WWC2: variants seen among roughly 807,000 people sequenced by gnomAD.
The protein encoded by WWC2 is protein WWC2.
WWC2 carries 101 observed loss-of-function variants against 138.5 expected under a neutral mutation model. That is an observed-to-expected ratio of 0.73 (90% CI 0.62 to 0.86). The LOEUF is 0.86. WWC2 is among the 40% of genes least tolerant of loss of function. WWC2 has a pLI of 0.00. For missense variants in WWC2, 1,420 were observed against 1,419.4 expected (o/e 1.00, Z -0.01); for synonymous variants, 558 against 538.4 (o/e 1.04, Z -0.50).
intron 4 of WWC2, among the ~76,000 whole-genome samples, chr4:183,229,889 A>T (rs903384260): frequency 6.6e-5 from 10 of 152,114 alleles, no homozygotes; most frequent in African/African-American, 2.2e-4. Flanking sequence ...GCAGCGGCTC[A>T]ATCCGGCTCA....
In WWC2 at chr4:183,239,094, C is replaced by T. The variant is rs370568829; in HGVS notation, c.523-1089C>T. ...CTTTGGGAGGCCGAAGCGGGTGGAT[C>T]GCTTGAGCCCTGGAGTTCGAGACCA... On this transcript the variant is annotated intron_variant, in intron 4 of 22. Coordinates refer to ENST00000403733, the MANE Select transcript of WWC2 (RefSeq NM_024949.6). 3.9e-4 allele frequency among the ~76,000 whole-genome samples: 60 copies of T among 152,250 alleles called. 1 individual carries two copies. The East Asian group carries it at 5.6e-3, about 14-fold the overall frequency.
chr4:183,099,458 A>G lies in WWC2; in HGVS notation c.-34A>G, dbSNP rs1292661452. On this transcript the variant is annotated 5_prime_UTR_variant, in exon 1 of 23. The change abolishes an upstream ATG in the 5' untranslated region. Coordinates refer to ENST00000403733, the MANE Select transcript of WWC2 (RefSeq NM_024949.6). The stretch of plus-strand genomic sequence containing the variant: ...CCGCCGCGTCCCGCGCCCGGTACCT[A>G]TGGAGGCGCCGCTCGCCGGCGAGGC... 7.2e-6 allele frequency: 9 copies of G among 1,258,140 alleles called. No individual in the cohort carries two copies. The Admixed American group carries it at 2.3e-4, about 32-fold the overall frequency. 77.9% of individuals were successfully genotyped at this position (1,258,140 alleles called of 1,614,324 possible). A position where few individuals can be genotyped will look rare whatever the true frequency, so the allele number is the denominator to read the frequency against.
chr4:183,309,745 C>T (rs555019644), intron 21 of WWC2, among the ~76,000 whole-genome samples: 3 of 152,330 alleles, frequency 2.0e-5, no homozygotes, highest in African/African-American at 7.2e-5. Flanking sequence ...AATTTACGTA[C>T]ACATGAAAAC....
intron 1 of WWC2, among the ~76,000 whole-genome samples, chr4:183,163,340 G>A (rs1445289112): frequency 1.3e-5 from 2 of 152,230 alleles, no homozygotes; most frequent in African/African-American, 4.8e-5. Flanking sequence ...TCAGTGGAGT[G>A]CAGCTGGAAG....
chr4:183,186,104 CTCCCAG>C (rs1734792792), intron 1 of WWC2, among the ~76,000 whole-genome samples: 1 of 152,000 alleles, frequency 6.6e-6, no homozygotes, highest in Admixed American at 6.6e-5. Flanking sequence ...CCCCCCACCA[CTCCCAG>C]CTAATTTTTT....
At chr4:183,136,279 A>T (rs1291498893) in intron 1 of WWC2, among the ~76,000 whole-genome samples, 1 of 152,002 alleles carries the variant, frequency 6.6e-6, no homozygotes, top group Admixed American at 6.6e-5. Context: ...TACCTCTTTC[A>T]TATTTTTCAT....
At chr4:183,242,761 A>G (rs1042141056) in intron 5 of WWC2, among the ~76,000 whole-genome samples, 2 of 152,244 alleles carry the variant, frequency 1.3e-5, no homozygotes, top group African/African-American at 4.8e-5. Flanking sequence ...CACTCAAGTC[A>G]AGAACTTCCA....
intron 4 of WWC2, among the ~76,000 whole-genome samples, chr4:183,232,687 GC>G (rs1164202811): frequency 2.0e-5 from 3 of 151,954 alleles, no homozygotes; most frequent in African/African-American, 7.3e-5. Context: ...TCTCTCAGTC[GC>G]CCAGGCTGGA....
intron 1 of WWC2, among the ~76,000 whole-genome samples, chr4:183,143,627 G>A (rs1733366460): frequency 6.6e-6 from 1 of 151,600 alleles, no homozygotes; most frequent in Admixed American, 6.6e-5. Context: ...GGGCAATATG[G>A]CAAACCCCAT....
At chr4:183,148,050 A>T (rs1174237143) in intron 1 of WWC2, among the ~76,000 whole-genome samples, 2 of 152,166 alleles carry the variant, frequency 1.3e-5, no homozygotes, top group Non-Finnish European at 1.5e-5. Context: ...CTGTGAAATG[A>T]TCTCATTAAA....
chr4:183,231,784 A>G (rs551775224), intron 4 of WWC2, among the ~76,000 whole-genome samples: 34 of 152,228 alleles, frequency 2.2e-4, no homozygotes, highest in Admixed American at 1.9e-3. Flanking sequence ...CAGCCTCCCG[A>G]GTAGCTGGGA....
At chr4:183,151,759 G>A (rs1733641035) in intron 1 of WWC2, among the ~76,000 whole-genome samples, 1 of 152,078 alleles carries the variant, frequency 6.6e-6, no homozygotes. Context: ...TCTACATATG[G>A]CTAGCCAGTT....
chr4:183,131,274 T>G (rs914660544), intron 1 of WWC2, among the ~76,000 whole-genome samples: 4 of 151,724 alleles, frequency 2.6e-5, no homozygotes, highest in Admixed American at 1.3e-4. Flanking sequence ...ATTTATAATT[T>G]TATAAATTTT....
intron 21 of WWC2, among the ~76,000 whole-genome samples, chr4:183,307,866 T>TAA (rs986124025): frequency 6.6e-6 from 1 of 152,052 alleles, no homozygotes; most frequent in African/African-American, 2.4e-5. Flanking sequence ...GCTAATGCAA[T>TAA]AAGAAAAGAA....
rs1339067034 is a variant in WWC2, at chr4:183,318,333, A to G, written c.*2604A>G. On this transcript the variant is annotated 3_prime_UTR_variant, in exon 23 of 23. Transcript: ENST00000403733. ...CTTTATCTATATTGTCTTAAATATC[A>G]AAAGCTCAGGACTGAACTTAATATT... is the stretch of plus-strand genomic sequence containing the variant. 3.3e-5 allele frequency: 5 copies of G among 152,640 alleles called. No homozygotes were observed. Among genetic ancestry groups the G allele is most frequent in the African/African-American group, 1.2e-4 (5 of 41,456 alleles). 9.5% of individuals were successfully genotyped at this position (152,640 alleles called of 1,614,324 possible). A position where few individuals can be genotyped will look rare whatever the true frequency, so the allele number is the denominator to read the frequency against.
intron 4 of WWC2, among the ~76,000 whole-genome samples, chr4:183,231,784 A>T (rs551775224): frequency 6.6e-6 from 1 of 152,110 alleles, no homozygotes; most frequent in African/African-American, 2.4e-5. Context: ...CAGCCTCCCG[A>T]GTAGCTGGGA....
At chr4:183,169,139 C>T (rs994739095) in intron 1 of WWC2, among the ~76,000 whole-genome samples, 2 of 152,240 alleles carry the variant, frequency 1.3e-5, no homozygotes, top group African/African-American at 4.8e-5. Flanking sequence ...TGAACCACCA[C>T]GCCCAGCCTC....
At chr4:183,128,756 C>T (rs538798791) in intron 1 of WWC2, among the ~76,000 whole-genome samples, 1 of 152,290 alleles carries the variant, frequency 6.6e-6, no homozygotes, top group South Asian at 2.1e-4. Flanking sequence ...ATGAATGTAC[C>T]TCTGTCCTTG....
rs535094598 is a variant in WWC2, at chr4:183,241,239, C to T, written c.602+977C>T. On this transcript the variant is annotated intron_variant, in intron 5 of 22. Transcript: ENST00000403733. ...TCAGGAATGCCAAGCTGGTCTCAGG[C>T]GCCACCTCTGTGGAAAGTACCCAGC... Among the ~76,000 whole-genome samples, 11 of 152,320 alleles carry T rather than the reference C, an allele frequency of 7.2e-5. No individual in the cohort carries two copies. In the East Asian group the frequency reaches 7.7e-4, roughly 11 times the overall value.
Sources: allele counts gnomAD v4.1 joint callset (sites outside exome capture counted in the v4.1 genomes callset), GRCh38; gene constraint gnomAD v4.1.1; transcripts MANE v1.5; gene names NCBI Gene and HGNC (gene_info 2026-07-23, HGNC 2026-07-21).